The following CLVS1 variants were observed in gnomAD, a reference collection of about 807,000 sequenced individuals.
CLVS1 encodes clavesin-1.
Under a neutral mutation model 33.1 loss-of-function variants are expected in CLVS1, and 10 were observed. The ratio of observed to expected loss-of-function variants is 0.30; its 90% CI spans 0.19 to 0.51. The LOEUF (loss-of-function observed/expected upper bound fraction) is 0.51. Among genes scored for constraint, CLVS1 ranks in the 20% least tolerant of loss-of-function variants. The pLI is 0.97. For synonymous variants in CLVS1, 163 were observed against 166.1 expected, an observed-to-expected ratio of 0.98 and a Z score of 0.14; for missense variants, 343 against 433.4, an observed-to-expected ratio of 0.79 and a Z score of 1.85.
At chr8:61,088,660 G>T (rs1473363609) in intron 1 of CLVS1, among the ~76,000 whole-genome samples, 3 of 152,046 alleles carry the variant, frequency 2.0e-5, no homozygotes, top group African/African-American at 7.2e-5. Flanking sequence ...TGGGTTTAGA[G>T]TATCACTTTT....
intron 2 of CLVS1, among the ~76,000 whole-genome samples, chr8:61,136,674 G>A (rs530025460): frequency 3.9e-4 from 60 of 152,252 alleles, no homozygotes; most frequent in African/African-American, 1.2e-3. Context: ...AACACACACC[G>A]GGGCCTTTTG....
intron 1 of CLVS1, among the ~76,000 whole-genome samples, chr8:61,295,363 T>C (rs916577733): frequency 6.6e-6 from 1 of 152,190 alleles, no homozygotes; most frequent in Non-Finnish European, 1.5e-5. Flanking sequence ...ATCTGTCATT[T>C]CTGCCAAAGG....
intron 2 of CLVS1, among the ~76,000 whole-genome samples, chr8:61,375,391 C>T (rs1282314808): frequency 1.3e-5 from 2 of 152,076 alleles, no homozygotes; most frequent in Admixed American, 6.6e-5. Flanking sequence ...GCTGGGATTA[C>T]AGGTGCCCGC....
the CLVS1 span, among the ~76,000 whole-genome samples, chr8:61,018,035 T>G: frequency 6.6e-6 from 1 of 152,146 alleles, no homozygotes; most frequent in African/African-American, 2.4e-5. Context: ...GGAGGGAAGA[T>G]GAAAAAAGGA....
At chr8:61,463,397 C>T (rs1188483377) in intron 5 of CLVS1, among the ~76,000 whole-genome samples, 1 of 152,200 alleles carries the variant, frequency 6.6e-6, no homozygotes, top group Non-Finnish European at 1.5e-5. Flanking sequence ...ACTTGGTTAA[C>T]TGTTTCATGC....
At chr8:61,001,985 C>CTT in the CLVS1 span, among the ~76,000 whole-genome samples, 5 of 148,184 alleles carry the variant, frequency 3.4e-5, no homozygotes, top group Non-Finnish European at 6.0e-5. Flanking sequence ...AATCAACCCA[C>CTT]TTTTTTTTTT....
At chr8:61,123,126 G>A (rs1262761173) in intron 1 of CLVS1, among the ~76,000 whole-genome samples, 5 of 142,510 alleles carry the variant, frequency 3.5e-5, no homozygotes, top group East Asian at 2.0e-4. Flanking sequence ...AAAATTAGCC[G>A]GGGGTGGTGG....
chr8:61,099,148 ACAATGTTTTCTC>A (rs1805404457), intron 1 of CLVS1, among the ~76,000 whole-genome samples: 2 of 150,368 alleles, frequency 1.3e-5, no homozygotes, highest in South Asian at 4.1e-4. Context: ...AGTTTGACAA[ACAATGTTTTCTC>A]CTTGGTTTCA....
At chr8:61,015,689 A>G in the CLVS1 span, among the ~76,000 whole-genome samples, 1 of 152,240 alleles carries the variant, frequency 6.6e-6, no homozygotes, top group African/African-American at 2.4e-5. Flanking sequence ...GGGGTTGGAC[A>G]CACAGAAACC....
At chr8:61,496,503 A>G (rs1164867464) in intron 5 of CLVS1, among the ~76,000 whole-genome samples, 1 of 152,192 alleles carries the variant, frequency 6.6e-6, no homozygotes, top group African/African-American at 2.4e-5. Flanking sequence ...ACTAAAACAA[A>G]GAGAAAAATG....
intron 1 of CLVS1, among the ~76,000 whole-genome samples, chr8:61,127,048 C>A (rs377056867): frequency 6.6e-6 from 1 of 152,090 alleles, no homozygotes; most frequent in Non-Finnish European, 1.5e-5. Flanking sequence ...GTGACTTTCC[C>A]ACAGTATAGG....
intron 2 of CLVS1, among the ~76,000 whole-genome samples, chr8:61,368,875 T>C (rs1336486434): frequency 6.6e-6 from 1 of 152,254 alleles, no homozygotes; most frequent in Non-Finnish European, 1.5e-5. Flanking sequence ...CAGAGAATTA[T>C]ATTCTTATGC....
At chr8:61,421,534 A>G (rs1293149137) in intron 3 of CLVS1, among the ~76,000 whole-genome samples, 2 of 152,214 alleles carry the variant, frequency 1.3e-5, no homozygotes, top group Admixed American at 1.3e-4. Context: ...GTTGTTTCCA[A>G]TCTAAGCTAA....
chr8:61,323,378 G>C (rs1442521301), intron 2 of CLVS1, among the ~76,000 whole-genome samples: 1 of 152,138 alleles, frequency 6.6e-6, no homozygotes, highest in Non-Finnish European at 1.5e-5. Context: ...CCAGATACAA[G>C]GGGTAAGGAA....
intron 2 of CLVS1, among the ~76,000 whole-genome samples, chr8:61,371,723 C>T (rs1813447291): frequency 6.6e-6 from 1 of 152,140 alleles, no homozygotes. Flanking sequence ...TTACTAATTT[C>T]CACTATTTTG....
At chr8:61,189,792 G>A (rs529040540) in intron 2 of CLVS1, among the ~76,000 whole-genome samples, 1 of 152,162 alleles carries the variant, frequency 6.6e-6, no homozygotes, top group Non-Finnish European at 1.5e-5. Context: ...TTACATAATG[G>A]TAAAGGGATC....
chr8:61,378,293 C>A (rs948875360), intron 3 of CLVS1: 2 of 151,736 alleles, frequency 1.3e-5, no homozygotes, highest in African/African-American at 4.9e-5. Context: ...CTTTATCCAA[C>A]CCTATGATCC....
chr8:61,040,726 A>T, the CLVS1 span, among the ~76,000 whole-genome samples: 3 of 152,186 alleles, frequency 2.0e-5, no homozygotes, highest in African/African-American at 2.4e-5. Flanking sequence ...GATTGTGGAT[A>T]TTAGACCTTT....
At chr8:61,093,380 T>G (rs1325759954) in intron 1 of CLVS1, among the ~76,000 whole-genome samples, 1 of 152,216 alleles carries the variant, frequency 6.6e-6, no homozygotes, top group African/African-American at 2.4e-5. Flanking sequence ...TATAGAATTC[T>G]TCCTGGACTC....
Sources: allele counts gnomAD v4.1 joint callset (sites outside exome capture counted in the v4.1 genomes callset), GRCh38; gene constraint gnomAD v4.1.1; transcripts MANE v1.5; gene names NCBI Gene and HGNC (gene_info 2026-07-23, HGNC 2026-07-21).